CNBD1: variants seen among roughly 807,000 people sequenced by gnomAD.
CNBD1 encodes the protein cyclic nucleotide-binding domain-containing protein 1.
In CNBD1, 71 loss-of-function variants were observed where a neutral mutation model predicts 54.4. The observed-to-expected ratio is 1.30, with a 90% CI of 1.08 to 1.59. The LOEUF (loss-of-function observed/expected upper bound fraction) is 1.59. Among genes scored for constraint, CNBD1 ranks in the 40% most tolerant of loss-of-function variants. The probability of loss-of-function intolerance (pLI) is 0.00; values close to 1 mark genes in which losing one functional copy is unlikely to be tolerated. For missense variants in CNBD1, 659 were observed against 518.0 expected (o/e 1.27, Z -2.64); for synonymous variants, 182 against 170.7 (o/e 1.07, Z -0.51).
rs16892243 is a variant in CNBD1 at position 87,088,524 on chromosome 8, A to G, written c.432-117469A>G. 1.3e-3 allele frequency among the ~76,000 whole-genome samples: 197 copies of G among 152,306 alleles called. 1 individual carries two copies. The highest frequency in any genetic ancestry group is 3.8e-3 in the African/African-American group (156 of 41,564). On this transcript the variant is annotated intron_variant, in intron 4 of 10. Coordinates refer to ENST00000518476, the MANE Select transcript of CNBD1 (RefSeq NM_173538.3). ...GTGCTTGTTTTTAAAATATCATGCCAAGTAATTTAACTTTTAATATTGTTA... is the reference window on the plus strand; with the variant it reads ...GTGCTTGTTTTTAAAATATCATGCCGAGTAATTTAACTTTTAATATTGTTA...
chr8:87,281,547 T>G (rs183897396), intron 6 of CNBD1, among the ~76,000 whole-genome samples: 1,125 of 2,406 alleles, frequency 0.47, 18 homozygotes, highest in African/African-American at 0.5. Flanking sequence ...CTAAGATATA[T>G]ATATATATAT....
chr8:86,986,248 T>C (rs1045126524), intron 4 of CNBD1, among the ~76,000 whole-genome samples: 6 of 152,160 alleles, frequency 3.9e-5, no homozygotes, highest in African/African-American at 1.4e-4. Context: ...TTTTGATTTG[T>C]ATTTCTCTGA....
chr8:87,358,741 A>C (rs928991705), intron 10 of CNBD1, among the ~76,000 whole-genome samples: 4 of 152,106 alleles, frequency 2.6e-5, no homozygotes, highest in African/African-American at 9.7e-5. Flanking sequence ...AGGGGAACTG[A>C]GGGTGTAACT....
intron 7 of CNBD1, among the ~76,000 whole-genome samples, chr8:87,285,981 G>A (rs916184830): frequency 2.6e-5 from 4 of 152,178 alleles, no homozygotes; most frequent in Non-Finnish European, 5.9e-5. Context: ...CAGAAAGCTG[G>A]CATAAGCCAT....
At chr8:86,915,172 T>A (rs1809163755) in intron 3 of CNBD1, among the ~76,000 whole-genome samples, 1 of 152,066 alleles carries the variant, frequency 6.6e-6, no homozygotes, top group Non-Finnish European at 1.5e-5. Context: ...ACCATAGGAA[T>A]GTGGGAAATG....
chr8:86,955,977 G>A (rs1807756848), intron 4 of CNBD1, among the ~76,000 whole-genome samples: 1 of 152,170 alleles, frequency 6.6e-6, no homozygotes, highest in African/African-American at 2.4e-5. Flanking sequence ...TAACATGTAA[G>A]TCTTTAATCC....
intron 1 of CNBD1, among the ~76,000 whole-genome samples, chr8:86,867,684 AAC>A (rs1306171415): frequency 2.0e-5 from 3 of 152,208 alleles, no homozygotes; most frequent in Non-Finnish European, 2.9e-5. Context: ...TTGCTGAAGA[AAC>A]ACAGCTTCTA....
At chr8:86,978,920 C>T in intron 4 of CNBD1, among the ~76,000 whole-genome samples, 1 of 151,982 alleles carries the variant, frequency 6.6e-6, no homozygotes, top group East Asian at 1.9e-4. Flanking sequence ...TAATCTATGC[C>T]ACAGTCTAGG....
chr8:87,219,699 C>G (rs868520037), intron 5 of CNBD1, among the ~76,000 whole-genome samples: 29 of 151,928 alleles, frequency 1.9e-4, no homozygotes, highest in Admixed American at 8.5e-4. Flanking sequence ...AAATAAGAAA[C>G]ACAGTTTCTA....
chr8:87,295,362 T>G (rs547141238), intron 8 of CNBD1, among the ~76,000 whole-genome samples: 1 of 151,964 alleles, frequency 6.6e-6, no homozygotes, highest in Admixed American at 6.6e-5. Flanking sequence ...CTGATTTTAT[T>G]AATAATATGA....
intron 4 of CNBD1, among the ~76,000 whole-genome samples, chr8:87,028,361 ATCT>A (rs1283470752): frequency 6.6e-6 from 1 of 152,144 alleles, no homozygotes; most frequent in Non-Finnish European, 1.5e-5. Context: ...TATTTAGGAG[ATCT>A]TCTAAGACTC....
chr8:87,344,632 G>A (rs7819720), intron 8 of CNBD1, among the ~76,000 whole-genome samples: 145,635 of 152,050 alleles, frequency 0.96, 69,801 homozygotes, highest in East Asian at 1. Flanking sequence ...CTACTTTAAT[G>A]TAAACCAAGC....
At chr8:87,351,044 T>A (rs993350951) in intron 8 of CNBD1, among the ~76,000 whole-genome samples, 2 of 152,174 alleles carry the variant, frequency 1.3e-5, no homozygotes, top group Non-Finnish European at 2.9e-5. Context: ...TGCTAAATAC[T>A]TTATATGCCC....
At chr8:87,138,134 T>C (rs1812297682) in intron 4 of CNBD1, among the ~76,000 whole-genome samples, 1 of 152,184 alleles carries the variant, frequency 6.6e-6, no homozygotes, top group Admixed American at 6.5e-5. Flanking sequence ...CCTGTTTTTC[T>C]TGGTCTCTCA....
At chr8:87,318,018 C>G (rs1344915329) in intron 8 of CNBD1, among the ~76,000 whole-genome samples, 2 of 151,854 alleles carry the variant, frequency 1.3e-5, no homozygotes, top group Non-Finnish European at 1.5e-5. Context: ...TTTTTTATAT[C>G]AGACATTTTA....
intron 8 of CNBD1, among the ~76,000 whole-genome samples, chr8:87,346,371 A>G (rs1388746852): frequency 1.3e-5 from 2 of 152,062 alleles, no homozygotes; most frequent in Non-Finnish European, 2.9e-5. Flanking sequence ...ATAAAATTTG[A>G]GAATCCAGGT....
At chr8:87,382,115 A>C (rs1811089183) in intron 10 of CNBD1, among the ~76,000 whole-genome samples, 2 of 151,890 alleles carry the variant, frequency 1.3e-5, no homozygotes, top group Non-Finnish European at 2.9e-5. Flanking sequence ...TAGAAAACAA[A>C]TATAGACATA....
intron 6 of CNBD1, among the ~76,000 whole-genome samples, chr8:87,283,799 G>A (rs1020268163): frequency 1.3e-5 from 2 of 152,034 alleles, no homozygotes; most frequent in Non-Finnish European, 2.9e-5. Context: ...CCCATCTCCT[G>A]TTCCTACATG....
chr8:87,236,457 A>G (rs1807585990), intron 5 of CNBD1, among the ~76,000 whole-genome samples: 1 of 152,108 alleles, frequency 6.6e-6, no homozygotes, highest in Non-Finnish European at 1.5e-5. Flanking sequence ...AAGTTCTATA[A>G]GTGATTGTCA....
Sources: gnomAD v4.1 joint callset for allele counts (sites outside exome capture counted in the v4.1 genomes callset) on GRCh38, gnomAD v4.1.1 for gene constraint, MANE v1.5 for transcripts, NCBI Gene and HGNC (gene_info 2026-07-23, HGNC 2026-07-21) for gene names.